Variants in NR4A3 observed in about 807,000 individuals in gnomAD.
NR4A3 encodes nuclear receptor subfamily 4 group A member 3.
A neutral mutation model predicts 55.6 loss-of-function variants in NR4A3; 13 were observed. That is an observed-to-expected ratio of 0.23 (90% CI 0.15 to 0.37). NR4A3 has a LOEUF of 0.37. Among genes scored for constraint, NR4A3 ranks in the 10% least tolerant of loss-of-function variants. The pLI, the probability that NR4A3 is intolerant of heterozygous loss-of-function variation, is 1.00. For synonymous variants in NR4A3, 342 were observed against 357.9 expected, an observed-to-expected ratio of 0.96 and a Z score of 0.50; for missense variants, 646 against 822.8, an observed-to-expected ratio of 0.79 and a Z score of 2.63.
chr9:99,866,818 C>A lies in NR4A3; in HGVS notation c.*2951C>A, dbSNP rs1427243869. ...GCATTGCTCTTTAGTGTGTGTTAAC[C>A]TGTGGTTTGAAAGAAATGCTCTTGT... On this transcript the variant is annotated 3_prime_UTR_variant, in exon 8 of 8. Transcript: ENST00000395097. The A allele has an allele frequency of 4.8e-6, 1 of 209,668 alleles. No homozygotes were observed. Among genetic ancestry groups the A allele is most frequent in the Non-Finnish European group, 9.7e-6 (1 of 102,886 alleles). The allele number at this position is 209,668 out of a possible 1,614,324, so 13.0% of individuals were successfully genotyped here.
chr9:99,862,512 T>C (rs1343222077), intron 7 of NR4A3, among the ~76,000 whole-genome samples: 1 of 122,856 alleles, frequency 8.1e-6, no homozygotes, highest in Non-Finnish European at 1.6e-5. Flanking sequence ...ATCGCACCAC[T>C]GCACCCCAGC....
At chr9:99,833,714 G>C in intron 5 of NR4A3, 2 of 1,505,250 alleles carry the variant, frequency 1.3e-6, no homozygotes, top group Non-Finnish European at 1.8e-6. Context: ...AGGATTCCTG[G>C]TGGTTGTGCC....
At chr9:99,852,023 T>C (rs1827857604) in intron 7 of NR4A3, among the ~76,000 whole-genome samples, 1 of 152,158 alleles carries the variant, frequency 6.6e-6, no homozygotes, top group African/African-American at 2.4e-5. Context: ...GATTATGATA[T>C]ATAAACTTGA....
At chr9:99,860,722 G>A (rs988266395) in intron 7 of NR4A3, among the ~76,000 whole-genome samples, 1 of 152,202 alleles carries the variant, frequency 6.6e-6, no homozygotes, top group Admixed American at 6.5e-5. Context: ...GTTTCTCAGG[G>A]AAAGCAAAAT....
At chr9:99,839,093 A>G (rs1827606885) in intron 5 of NR4A3, among the ~76,000 whole-genome samples, 1 of 152,264 alleles carries the variant, frequency 6.6e-6, no homozygotes, top group South Asian at 2.1e-4. Flanking sequence ...GGAGAAAAAG[A>G]GTAAACAAAT....
Position 99,864,095 on chromosome 9 carries a change from G to GT in NR4A3, c.*228_*229insT. On this transcript the variant is annotated 3_prime_UTR_variant, in exon 8 of 8. Coordinates refer to ENST00000395097, the MANE Select transcript of NR4A3 (RefSeq NM_006981.4). ...TGTGTTTTATATTTAGGCATTGGGG[G>GT]ATGGGGTGGGAGGGGGTTATAGTTC... 2 of 370,200 alleles carry GT rather than the reference G, an allele frequency of 5.4e-6. No homozygotes were observed. Among genetic ancestry groups the GT allele is most frequent in the Non-Finnish European group, 1.0e-5 (2 of 199,166 alleles). The allele number at this position is 370,200 out of a possible 1,614,324, so 22.9% of individuals were successfully genotyped here.
At chr9:99,831,037 C>G (rs1346159937) in intron 3 of NR4A3, among the ~76,000 whole-genome samples, 1 of 152,176 alleles carries the variant, frequency 6.6e-6, no homozygotes, top group African/African-American at 2.4e-5. Context: ...AGGTTTTACC[C>G]AGTGGCTTTC....
rs145622545 is a variant in NR4A3, at chr9:99,824,083, T to C, written c.-176-1576T>C. Among the ~76,000 whole-genome samples, 1,130 of 152,264 alleles carry C rather than the reference T, an allele frequency of 7.4e-3. 9 individuals carry two copies. The highest frequency in any genetic ancestry group is 0.01 in the Non-Finnish European group (708 of 68,022). Reference sequence around the variant, plus strand: ...CCTAATTTACAACCCCAAGGCTCTGTGCTCCCGGCCCCGGCGGCCGCAAGC... The same window carrying C: ...CCTAATTTACAACCCCAAGGCTCTGCGCTCCCGGCCCCGGCGGCCGCAAGC... On this transcript the variant is annotated intron_variant, in intron 1 of 7. Coordinates refer to ENST00000395097, the MANE Select transcript of NR4A3 (RefSeq NM_006981.4).
chr9:99,862,328 G>A (rs1427849232), intron 7 of NR4A3, among the ~76,000 whole-genome samples: 1 of 151,834 alleles, frequency 6.6e-6, no homozygotes, highest in Non-Finnish European at 1.5e-5. Context: ...AGGATTACTT[G>A]AGGTCAGGAG....
intron 3 of NR4A3, among the ~76,000 whole-genome samples, chr9:99,830,627 AT>A (rs1228148994): frequency 5.9e-5 from 9 of 152,206 alleles, no homozygotes; most frequent in Admixed American, 5.9e-4. Context: ...AATCTTGGTC[AT>A]TTTATTTTAT....
chr9:99,866,035 T>C lies in NR4A3; in HGVS notation c.*2168T>C, dbSNP rs1241462288. 1 of 215,678 alleles carries C rather than the reference T, an allele frequency of 4.6e-6. No individual in the cohort carries two copies. The highest frequency in any genetic ancestry group is 5.8e-5 in the Admixed American group (1 of 17,188). 13.4% of individuals were successfully genotyped at this position (215,678 alleles called of 1,614,324 possible). ...TTTACCTTTCCATACTCTTTTTTTTTCTCAACTTCATCTATATAAAATCAG... is the reference window on the plus strand; with the variant it reads ...TTTACCTTTCCATACTCTTTTTTTTCCTCAACTTCATCTATATAAAATCAG... On this transcript the variant is annotated 3_prime_UTR_variant, in exon 8 of 8. Coordinates refer to ENST00000395097, the MANE Select transcript of NR4A3 (RefSeq NM_006981.4).
intron 6 of NR4A3, among the ~76,000 whole-genome samples, chr9:99,845,252 G>A (rs1053428472): frequency 6.6e-6 from 1 of 152,116 alleles, no homozygotes; most frequent in African/African-American, 2.4e-5. Context: ...TATTTACCTC[G>A]TGGGTTTCTG....
intron 5 of NR4A3, among the ~76,000 whole-genome samples, chr9:99,843,987 C>T (rs549161622): frequency 1.3e-5 from 2 of 152,178 alleles, no homozygotes; most frequent in East Asian, 3.9e-4. Context: ...CTCCTGACCT[C>T]AGGTGATTCA....
chr9:99,835,110 A>T (rs910899133), intron 5 of NR4A3: 1 of 168,420 alleles, frequency 5.9e-6, no homozygotes, highest in Non-Finnish European at 1.2e-5. Context: ...CGTGAAGATT[A>T]ATTAACAATT....
chr9:99,838,978 ATACT>A (rs1472281430), intron 5 of NR4A3, among the ~76,000 whole-genome samples: 3 of 152,264 alleles, frequency 2.0e-5, no homozygotes, highest in Non-Finnish European at 4.4e-5. Context: ...CATTTAACAA[ATACT>A]TACTGAATGG....
At chr9:99,827,256 ATATG>A (rs1480958989) in intron 2 of NR4A3, among the ~76,000 whole-genome samples, 30 of 138,886 alleles carry the variant, frequency 2.2e-4, no homozygotes, top group Non-Finnish European at 4.0e-4. Context: ...TGGGATATAT[ATATG>A]TGTGTGTGTG....
Position 99,828,645 on chromosome 9 carries a change from C to G in NR4A3, c.603C>G (p.Pro201=). The change falls in exon 3 of 8, where the codon CCC becomes CCG. Residue 201 remains proline (P), a synonymous_variant. Coordinates refer to ENST00000395097, the MANE Select transcript of NR4A3 (RefSeq NM_006981.4). This position sits in a 1 kb window ranked among gnomAD's most constrained non-coding sequence, Gnocchi z 7.7. ...FHFKPSPPHP[P]APSPAGGHHL... ...TCAAGCCCTCGCCGCCGCATCCCCC[C>G]GCGCCCAGCCCGGCCGGCGGCCACC... is the stretch of plus-strand genomic sequence containing the variant. The G allele has an allele frequency of 6.9e-7, 1 of 1,444,784 alleles. No homozygotes were observed. The highest frequency in any genetic ancestry group is 1.4e-5 in the South Asian group (1 of 72,270). 89.5% of individuals were successfully genotyped at this position (1,444,784 alleles called of 1,614,324 possible).
intron 5 of NR4A3, among the ~76,000 whole-genome samples, chr9:99,835,838 T>C (rs756527173): frequency 2.6e-5 from 4 of 152,166 alleles, no homozygotes; most frequent in Non-Finnish European, 5.9e-5. Flanking sequence ...TCAACAAACA[T>C]TTATCCAATT....
At chr9:99,839,051 C>T (rs944387587) in intron 5 of NR4A3, among the ~76,000 whole-genome samples, 1 of 152,180 alleles carries the variant, frequency 6.6e-6, no homozygotes, top group Non-Finnish European at 1.5e-5. Context: ...AAGACAAAGC[C>T]CTTATCCACA....
Sources: gnomAD v4.1 joint callset for allele counts (sites outside exome capture counted in the v4.1 genomes callset) on GRCh38, gnomAD v4.1.1 for gene constraint, Gnocchi (gnomAD v3.1) non-coding constraint, MANE v1.5 for transcripts, NCBI Gene and HGNC (gene_info 2026-07-23, HGNC 2026-07-21) for gene names.